Variants in LRRTM4 observed in about 807,000 individuals in gnomAD.
LRRTM4 encodes the protein leucine-rich repeat transmembrane neuronal protein 4.
LRRTM4 carries 25 observed loss-of-function variants against 47.6 expected under a neutral mutation model. The ratio of observed to expected loss-of-function variants is 0.53; its 90% CI spans 0.38 to 0.73. The LOEUF is 0.73. Ranked by LOEUF, LRRTM4 falls within the 30% of genes least tolerant of loss-of-function variation. The pLI, the probability that LRRTM4 is intolerant of heterozygous loss-of-function variation, is 0.00. For missense variants in LRRTM4, 638 were observed against 713.4 expected (o/e 0.89, Z 1.20); for synonymous variants, 311 against 269.5 (o/e 1.15, Z -1.51).
At chr2:77,049,157 T>TATATATATATAC (rs1351971551) in intron 3 of LRRTM4, among the ~76,000 whole-genome samples, 90 of 106,242 alleles carry the variant, frequency 8.5e-4, no homozygotes, top group African/African-American at 3.2e-3. Flanking sequence ...TATATATATA[T>TATATATATATAC]ACACACACAC....
intron 3 of LRRTM4, among the ~76,000 whole-genome samples, chr2:76,904,750 A>C: frequency 6.6e-6 from 1 of 152,246 alleles, no homozygotes; most frequent in East Asian, 1.9e-4. Context: ...ATGCCAGAGC[A>C]ACATCAAATG....
At chr2:77,159,698 G>C (rs1672658098) in intron 3 of LRRTM4, among the ~76,000 whole-genome samples, 1 of 152,028 alleles carries the variant, frequency 6.6e-6, no homozygotes, top group African/African-American at 2.4e-5. Flanking sequence ...GTGGGCAGAG[G>C]GGGAAGAGGT....
At position 76,936,886 on chromosome 2, in the gene LRRTM4, C is replaced by T. The variant is rs527878311; in HGVS notation, c.1552-187970G>A. 1.1e-4 allele frequency among the ~76,000 whole-genome samples: 14 copies of T among 125,266 alleles called. No homozygotes were observed. In the East Asian group the frequency reaches 2.9e-3, roughly 26 times the overall value. The allele number at this position is 125,266 out of a possible 152,430, so 82.2% of individuals were successfully genotyped here. A position where few individuals can be genotyped will look rare whatever the true frequency, so the allele number is the denominator to read the frequency against. On this transcript the variant is annotated intron_variant, in intron 3 of 3. Coordinates refer to ENST00000409884, the MANE Select transcript of LRRTM4 (RefSeq NM_001134745.3). ...GGGAGAATCGCTTGAACCCAGGAGG[C>T]GGAAGTTGCAGTGAGCCGAGATGGC...
intron 3 of LRRTM4, among the ~76,000 whole-genome samples, chr2:77,265,154 G>A (rs987989763): frequency 2.0e-5 from 3 of 152,052 alleles, no homozygotes; most frequent in Non-Finnish European, 4.4e-5. Context: ...GCTATAAAAG[G>A]TGATTTTATC....
intron 3 of LRRTM4, among the ~76,000 whole-genome samples, chr2:77,083,997 G>T (rs1680625888): frequency 6.6e-6 from 1 of 151,190 alleles, no homozygotes; most frequent in Non-Finnish European, 1.5e-5. Context: ...AGTAGAGACG[G>T]GGTTTCACCA....
intron 3 of LRRTM4, among the ~76,000 whole-genome samples, chr2:77,288,878 A>G (rs1157122366): frequency 6.6e-6 from 1 of 152,102 alleles, no homozygotes; most frequent in Admixed American, 6.6e-5. Context: ...ATGGAGCCAC[A>G]GAAATAAAGT....
intron 3 of LRRTM4, among the ~76,000 whole-genome samples, chr2:76,767,135 C>T (rs1332869733): frequency 6.6e-6 from 1 of 152,128 alleles, no homozygotes; most frequent in Admixed American, 6.5e-5. Flanking sequence ...TACAAAATTC[C>T]CTCTATTAAA....
At chr2:77,081,792 G>C (rs1485135674) in intron 3 of LRRTM4, among the ~76,000 whole-genome samples, 1 of 152,074 alleles carries the variant, frequency 6.6e-6, no homozygotes, top group East Asian at 1.9e-4. Flanking sequence ...TCTTGCCATG[G>C]GGTATTGCTG....
At chr2:77,113,471 C>T (rs914940645) in intron 3 of LRRTM4, among the ~76,000 whole-genome samples, 29 of 152,216 alleles carry the variant, frequency 1.9e-4, no homozygotes, top group African/African-American at 7.0e-4. Context: ...CCGGACAAGC[C>T]CATGCCTCTA....
chr2:77,270,996 G>C (rs911498346), intron 3 of LRRTM4, among the ~76,000 whole-genome samples: 2 of 152,184 alleles, frequency 1.3e-5, no homozygotes, highest in Admixed American at 6.5e-5. Flanking sequence ...TCGGTAGAGG[G>C]AGAGACAGCC....
chr2:76,830,613 T>C (rs1480877477), intron 3 of LRRTM4, among the ~76,000 whole-genome samples: 7 of 151,734 alleles, frequency 4.6e-5, no homozygotes, highest in Admixed American at 4.6e-4. Context: ...TCTTTTAGTT[T>C]CTGAAATTTT....
intron 3 of LRRTM4, among the ~76,000 whole-genome samples, chr2:76,953,877 CAA>C (rs1351060276): frequency 4.6e-5 from 7 of 151,946 alleles, no homozygotes; most frequent in Non-Finnish European, 8.8e-5. Context: ...TTACAGAGCA[CAA>C]GAGAGGTCAG....
chr2:77,410,046 T>TTA (rs965964563), intron 3 of LRRTM4, among the ~76,000 whole-genome samples: 7 of 152,032 alleles, frequency 4.6e-5, no homozygotes, highest in Non-Finnish European at 8.8e-5. Context: ...TGACTTTTCT[T>TTA]TATATATATA....
At position 77,100,552 on chromosome 2, in the gene LRRTM4, T is replaced by C. The variant is rs186921160; in HGVS notation, c.1552-351636A>G. Among the ~76,000 whole-genome samples the C allele has an allele frequency of 2.0e-4, 30 of 152,224 alleles. 1 individual carries two copies. In the East Asian group the frequency reaches 5.4e-3, roughly 28 times the overall value. Reference sequence around the variant, plus strand: ...GGCACATTCTACAGGACACATAACCTGGATTCTTTAAAAAATAAAAGGTAG... The same window carrying C: ...GGCACATTCTACAGGACACATAACCCGGATTCTTTAAAAAATAAAAGGTAG... On this transcript the variant is annotated intron_variant, in intron 3 of 3. Coordinates refer to ENST00000409884, the MANE Select transcript of LRRTM4 (RefSeq NM_001134745.3).
intron 3 of LRRTM4, among the ~76,000 whole-genome samples, chr2:76,956,046 A>G (rs1480685656): frequency 1.3e-5 from 2 of 151,770 alleles, no homozygotes; most frequent in East Asian, 3.9e-4. Flanking sequence ...GGATTCAAAG[A>G]ATAATATTCA....
chr2:76,907,271 A>C (rs1379891153), intron 3 of LRRTM4, among the ~76,000 whole-genome samples: 2 of 70,652 alleles, frequency 2.8e-5, no homozygotes, highest in Admixed American at 1.9e-4. Flanking sequence ...TGAAGGCAGA[A>C]ATAAAGATGT....
At chr2:77,394,242 T>C (rs1673614773) in intron 3 of LRRTM4, among the ~76,000 whole-genome samples, 2 of 152,116 alleles carry the variant, frequency 1.3e-5, no homozygotes, top group East Asian at 3.9e-4. Flanking sequence ...TATTCTGTTG[T>C]AATGTCTCTA....
In LRRTM4 at chr2:77,314,034, C is replaced by T. The variant is rs1208942522; in HGVS notation, c.1551+204284G>A. On this transcript the variant is annotated intron_variant, in intron 3 of 3. Transcript: ENST00000409884. ...TATCACCAAATAGTTTGTAATGCAA[C>T]TTACAATATCCTATTTGGCTAAAGA... 3.3e-5 allele frequency among the ~76,000 whole-genome samples: 5 copies of T among 152,274 alleles called. No homozygotes were observed. In the East Asian group the frequency reaches 7.7e-4, roughly 24 times the overall value.
At chr2:77,049,143 T>TATAA (rs1679339042) in intron 3 of LRRTM4, among the ~76,000 whole-genome samples, 1 of 133,478 alleles carries the variant, frequency 7.5e-6, no homozygotes, top group Admixed American at 7.4e-5. Context: ...TATATATATA[T>TATAA]ATATATATAT....
Sources: gnomAD v4.1 joint callset for allele counts (sites outside exome capture counted in the v4.1 genomes callset) on GRCh38, gnomAD v4.1.1 for gene constraint, MANE v1.5 for transcripts, NCBI Gene and HGNC (gene_info 2026-07-23, HGNC 2026-07-21) for gene names.